Variants in ACVR1B observed in about 807,000 individuals in gnomAD.
ACVR1B encodes the protein activin A receptor type 1B.
A neutral mutation model predicts 55.6 loss-of-function variants in ACVR1B; 15 were observed. That is an observed-to-expected ratio of 0.27 (90% CI 0.18 to 0.42). The LOEUF is 0.42. Among genes scored for constraint, ACVR1B ranks in the 10% least tolerant of loss-of-function variants. ACVR1B has a pLI of 1.00. For synonymous variants in ACVR1B, 247 were observed against 254.6 expected (o/e 0.97, Z 0.28); for missense variants, 359 against 670.1 (o/e 0.54, Z 5.13).
chr12:51,976,366 C>T lies in ACVR1B; in HGVS notation c.371C>T (p.Pro124Leu), dbSNP rs151094759. ...KEPEHPSMWGPVELVGIIAGP... is the reference protein window; with the variant it reads ...KEPEHPSMWGLVELVGIIAGP... ...CCTGAGCACCCGTCCATGTGGGGCCCGGTGGAGCTGGTAGGCATCATCGCC... is the reference window on the plus strand; with the variant it reads ...CCTGAGCACCCGTCCATGTGGGGCCTGGTGGAGCTGGTAGGCATCATCGCC... The change falls in exon 3 of 9, where the codon CCG becomes CTG. Residue 124 changes from proline to leucine, a missense_variant. Transcript: ENST00000257963. The T allele has an allele frequency of 3.1e-6, 5 of 1,614,016 alleles. No individual in the cohort carries two copies. Among genetic ancestry groups the T allele is most frequent in the South Asian group, 2.2e-5 (2 of 91,078 alleles).
chr12:51,953,622 C>T (rs1941355062), intron 1 of ACVR1B: 1 of 793,218 alleles, frequency 1.3e-6, no homozygotes, highest in African/African-American at 1.9e-5. Context: ...GAGATTGAAC[C>T]TCTAGGTTTG....
At chr12:51,987,740 ATTCCTGAAGCGTTCCATATTTTTT>A (rs1014453221) in intron 7 of ACVR1B, 1 of 152,764 alleles carries the variant, frequency 6.5e-6, no homozygotes, top group African/African-American at 2.4e-5. Flanking sequence ...TGACATGCAA[ATTCCTGAAGCGTTCCATATTTTTT>A]AAAGACCTAG....
At chr12:51,980,219 A>G (rs188841501) in intron 3 of ACVR1B, among the ~76,000 whole-genome samples, 200 of 152,300 alleles carry the variant, frequency 1.3e-3, no homozygotes, top group Non-Finnish European at 1.5e-3. Context: ...AATACATAGT[A>G]AGCATGCAGT....
At chr12:51,993,860 C>CGGGTGGAT in intron 8 of ACVR1B, 125 bp from the exon 9 acceptor site, 1 of 1,152,086 alleles carries the variant, frequency 8.7e-7, no homozygotes, top group African/African-American at 1.6e-5. Context: ...GGTCGGCCGC[C>CGGGTGGAT]GGGTGGATGT....
At chr12:51,990,312 CTTTTTTTTTTT>C (rs71092738) in intron 7 of ACVR1B, among the ~76,000 whole-genome samples, 16 of 89,584 alleles carry the variant, frequency 1.8e-4, no homozygotes, top group East Asian at 1.6e-3. Context: ...AAATTTAGTG[CTTTTTTTTTTT>C]TTTTTTTTTT....
intron 6 of ACVR1B, 41 bp from the exon 7 acceptor site, chr12:51,986,777 A>G: frequency 1.9e-6 from 3 of 1,581,394 alleles, no homozygotes; most frequent in Non-Finnish European, 2.6e-6. Context: ...GAGAGCAGTC[A>G]TCATTTTCTG....
intron 3 of ACVR1B, among the ~76,000 whole-genome samples, chr12:51,978,357 T>A (rs1941908914): frequency 1.3e-5 from 2 of 152,160 alleles, no homozygotes; most frequent in Non-Finnish European, 2.9e-5. Context: ...TAATAACTAT[T>A]TCCCTCTGAG....
In ACVR1B at chr12:51,994,296, T is replaced by A. The variant is rs1942257194; in HGVS notation, c.*186T>A. On this transcript the variant is annotated 3_prime_UTR_variant, in exon 9 of 9. Transcript: ENST00000257963. This position sits in a 1 kb window ranked among gnomAD's most constrained non-coding sequence, Gnocchi z 4.2. Reference sequence around the variant, plus strand: ...CCATGTTGGGTTTGAGACAGACACCTTTTCTATTTACCTCCTAATGGCATG... The same window carrying A: ...CCATGTTGGGTTTGAGACAGACACCATTTCTATTTACCTCCTAATGGCATG... 2 of 706,416 alleles carry A rather than the reference T, an allele frequency of 2.8e-6. No homozygotes were observed. The highest frequency in any genetic ancestry group is 6.3e-5 in the Admixed American group (2 of 31,926). 43.8% of individuals were successfully genotyped at this position (706,416 alleles called of 1,614,324 possible).
In ACVR1B at chr12:51,994,623, G is replaced by C. The variant is rs1022019829; in HGVS notation, c.*513G>C. 6.4e-6 allele frequency: 1 copy of C among 156,646 alleles called. No homozygotes were observed. The highest frequency in any genetic ancestry group is 2.4e-5 in the African/African-American group (1 of 41,522). 9.7% of individuals were successfully genotyped at this position (156,646 alleles called of 1,614,324 possible). A position where few individuals can be genotyped will look rare whatever the true frequency, so the allele number is the denominator to read the frequency against. On this transcript the variant is annotated 3_prime_UTR_variant, in exon 9 of 9. Transcript: ENST00000257963. The surrounding 1 kb of genome is among the most constrained non-coding windows in gnomAD (Gnocchi z 4.2). ...GATGGACGCTGCCGGGAGACTGCCA[G>C]TGGAGACGGAATCTGCCGCTTTGTC...
At chr12:51,992,609 T>G (rs1422616564) in intron 8 of ACVR1B, among the ~76,000 whole-genome samples, 1 of 152,210 alleles carries the variant, frequency 6.6e-6, no homozygotes, top group Non-Finnish European at 1.5e-5. Flanking sequence ...AAAGCAGCTC[T>G]GGAGCCCGAG....
intron 6 of ACVR1B, 97 bp from the exon 7 acceptor site, chr12:51,986,721 A>T (rs1942083023): frequency 1.3e-6 from 2 of 1,492,096 alleles, no homozygotes; most frequent in South Asian, 2.7e-5. Context: ...TCAGGGTGAT[A>T]CTCTTCCACA....
intron 5 of ACVR1B, among the ~76,000 whole-genome samples, chr12:51,984,704 G>A (rs866192833): frequency 6.6e-6 from 1 of 152,210 alleles, no homozygotes; most frequent in East Asian, 1.9e-4. Context: ...ACAATGGCAG[G>A]TGTGATCCCT....
intron 1 of ACVR1B, among the ~76,000 whole-genome samples, chr12:51,966,226 C>T (rs920327895): frequency 2.6e-5 from 4 of 152,140 alleles, no homozygotes; most frequent in African/African-American, 9.7e-5. Context: ...TAGCTAATAG[C>T]TTATAGAAAA....
At chr12:51,981,373 A>G (rs1323929820) in intron 4 of ACVR1B, among the ~76,000 whole-genome samples, 174 bp downstream of exon 4, 3 of 152,166 alleles carry the variant, frequency 2.0e-5, no homozygotes, top group East Asian at 3.8e-4. Context: ...ATTCCATGAA[A>G]AGGTTATACA....
At chr12:51,980,171 A>G (rs1941949100) in intron 3 of ACVR1B, among the ~76,000 whole-genome samples, 7 of 152,254 alleles carry the variant, frequency 4.6e-5, no homozygotes, top group African/African-American at 7.2e-5. Flanking sequence ...GGTTTGGGGA[A>G]GTGAGATAAT....
intron 5 of ACVR1B, among the ~76,000 whole-genome samples, chr12:51,984,497 A>G (rs925660197): frequency 1.3e-5 from 2 of 152,242 alleles, no homozygotes; most frequent in Non-Finnish European, 2.9e-5. Context: ...TGGAACTAAA[A>G]AGATAAACCA....
chr12:51,991,250 T>C (rs1942186834), intron 7 of ACVR1B, among the ~76,000 whole-genome samples: 1 of 152,240 alleles, frequency 6.6e-6, no homozygotes, highest in East Asian at 1.9e-4. Context: ...ATTGAAGTTA[T>C]TTGTCTTATT....
intron 4 of ACVR1B, chr12:51,982,791 G>T (rs1440438651): frequency 2.0e-6 from 3 of 1,527,900 alleles, no homozygotes; most frequent in Non-Finnish European, 2.6e-6. Flanking sequence ...GGAAGAGCAA[G>T]ATTTTTATTC....
At position 51,996,090 on chromosome 12, in the gene ACVR1B, T is replaced by C; in HGVS notation, c.*1980T>C. On this transcript the variant is annotated 3_prime_UTR_variant, in exon 9 of 9. Coordinates refer to ENST00000257963, the MANE Select transcript of ACVR1B (RefSeq NM_004302.5). Reference sequence around the variant, plus strand: ...TACGACCCTTTTGAGCCTAGAATTATTGTTCTTATATAAGATCACTGAAGA... The same window carrying C: ...TACGACCCTTTTGAGCCTAGAATTACTGTTCTTATATAAGATCACTGAAGA... 6.6e-6 allele frequency: 1 copy of C among 152,388 alleles called. No individual in the cohort carries two copies. Among genetic ancestry groups the C allele is most frequent in the East Asian group, 1.9e-4 (1 of 5,194 alleles). 9.4% of individuals were successfully genotyped at this position (152,388 alleles called of 1,614,324 possible). A position where few individuals can be genotyped will look rare whatever the true frequency, so the allele number is the denominator to read the frequency against.
Sources: allele counts gnomAD v4.1 joint callset (sites outside exome capture counted in the v4.1 genomes callset), GRCh38; gene constraint gnomAD v4.1.1; non-coding constraint Gnocchi (gnomAD v3.1); transcripts MANE v1.5; gene names NCBI Gene and HGNC (gene_info 2026-07-23, HGNC 2026-07-21).